Variants in FRMD6 observed in about 807,000 individuals in gnomAD.
FRMD6 encodes FERM domain-containing protein 6.
Under a neutral mutation model 73.2 loss-of-function variants are expected in FRMD6, and 37 were observed. The ratio of observed to expected loss-of-function variants is 0.51; its 90% CI spans 0.39 to 0.66. The LOEUF (loss-of-function observed/expected upper bound fraction) is 0.66, where lower values mean the gene tolerates loss of function less well. Among genes scored for constraint, FRMD6 ranks in the 30% least tolerant of loss-of-function variants. The probability of loss-of-function intolerance (pLI) is 0.00; values close to 1 mark genes in which losing one functional copy is unlikely to be tolerated. For synonymous variants in FRMD6, 273 were observed against 282.2 expected, an observed-to-expected ratio of 0.97 and a Z score of 0.33; for missense variants, 714 against 780.5, an observed-to-expected ratio of 0.91 and a Z score of 1.02.
At chr14:51,543,470 T>C (rs1886303635) in intron 1 of FRMD6, among the ~76,000 whole-genome samples, 1 of 152,066 alleles carries the variant, frequency 6.6e-6, no homozygotes, top group Non-Finnish European at 1.5e-5. Flanking sequence ...TATAGTTTCA[T>C]TGGTCTAAGC....
At position 51,504,896 on chromosome 14, in the gene FRMD6, G is replaced by A. The variant is rs1249872527; in HGVS notation, c.-210+15476G>A. On this transcript the variant is annotated intron_variant, in intron 1 of 14. Coordinates refer to the FRMD6 transcript ENST00000356218. ...ACAGCAGCTGCCTGTCCTTTCAGTT[G>A]AGCTCTTCCCATCATAGCAGAGAAG... 2.6e-5 allele frequency among the ~76,000 whole-genome samples: 4 copies of A among 152,268 alleles called. No individual in the cohort carries two copies. In the East Asian group the frequency reaches 5.8e-4, roughly 22 times the overall value.
chr14:51,674,171 T>C (rs1004508559), intron 1 of FRMD6, among the ~76,000 whole-genome samples: 1 of 152,180 alleles, frequency 6.6e-6, no homozygotes. Flanking sequence ...GCAAATCTTA[T>C]ATCTGAAAAA....
intron 1 of FRMD6, among the ~76,000 whole-genome samples, chr14:51,667,899 G>A (rs1323524006): frequency 6.6e-6 from 1 of 152,136 alleles, no homozygotes; most frequent in Non-Finnish European, 1.5e-5. Flanking sequence ...AGAGCTAATG[G>A]TTTGTAATTG....
At chr14:51,434,213 A>G in the FRMD6 span, among the ~76,000 whole-genome samples, 1 of 152,200 alleles carries the variant, frequency 6.6e-6, no homozygotes, top group Non-Finnish European at 1.5e-5. Flanking sequence ...GTAGATGTAT[A>G]TATACATATG....
intron 2 of FRMD6, among the ~76,000 whole-genome samples, chr14:51,581,247 T>C (rs1306670689): frequency 6.6e-6 from 1 of 152,170 alleles, no homozygotes; most frequent in African/African-American, 2.4e-5. Flanking sequence ...CTCTCCCCCA[T>C]CTTTCTTTAT....
the FRMD6 span, among the ~76,000 whole-genome samples, chr14:51,483,708 GT>G: frequency 6.6e-6 from 1 of 152,204 alleles, no homozygotes; most frequent in Admixed American, 6.5e-5. Context: ...AAGTGATAAA[GT>G]TTCATTTGGA....
In FRMD6 at chr14:51,544,762, C is replaced by T. The variant is rs529820314; in HGVS notation, c.-209-25586C>T. Among the ~76,000 whole-genome samples the T allele has an allele frequency of 5.9e-5, 9 of 151,710 alleles. No individual in the cohort carries two copies. In the South Asian group the frequency reaches 8.3e-4, roughly 14 times the overall value. On this transcript the variant is annotated intron_variant, in intron 1 of 14. Transcript: ENST00000356218. ...CAATATATGCAAAATCCTCTACTTG[C>T]GAGCCAAGAGAGACTTTGTAGTCAA...
At chr14:51,692,008 G>T (rs1895621781) in intron 2 of FRMD6, among the ~76,000 whole-genome samples, 1 of 152,136 alleles carries the variant, frequency 6.6e-6, no homozygotes, top group South Asian at 2.1e-4. Flanking sequence ...AAAAGTTTCT[G>T]CTTATTGCTA....
intron 1 of FRMD6, among the ~76,000 whole-genome samples, chr14:51,662,476 G>A (rs1051410428): frequency 1.3e-5 from 2 of 152,134 alleles, no homozygotes; most frequent in African/African-American, 4.8e-5. Context: ...ACAGAATAGA[G>A]AGCCCAGAAA....
At chr14:51,547,859 T>C (rs569590390) in intron 1 of FRMD6, 1 of 151,802 alleles carries the variant, frequency 6.6e-6, no homozygotes, top group African/African-American at 2.4e-5. Flanking sequence ...GATCTTGAGA[T>C]TGGATGTTGG....
chr14:51,414,798 T>C, the FRMD6 span, among the ~76,000 whole-genome samples: 1 of 152,194 alleles, frequency 6.6e-6, no homozygotes, highest in African/African-American at 2.4e-5. Flanking sequence ...CATGGAATGT[T>C]CTTCCATTTG....
chr14:51,554,789 C>G (rs1004126200), intron 1 of FRMD6: 1 of 152,120 alleles, frequency 6.6e-6, no homozygotes, highest in Non-Finnish European at 1.5e-5. Flanking sequence ...GAATCCGAGA[C>G]AGAAAGAGGA....
At chr14:51,612,175 T>A (rs192277140) in intron 2 of FRMD6, among the ~76,000 whole-genome samples, 1 of 152,326 alleles carries the variant, frequency 6.6e-6, no homozygotes, top group East Asian at 1.9e-4. Flanking sequence ...CTTTCATATG[T>A]CTAATTTTAT....
intron 1 of FRMD6, among the ~76,000 whole-genome samples, chr14:51,513,024 C>A (rs1047228822): frequency 6.6e-6 from 1 of 152,092 alleles, no homozygotes; most frequent in Non-Finnish European, 1.5e-5. Context: ...GGCTTTCCAC[C>A]CTCACTCTCT....
intron 2 of FRMD6, among the ~76,000 whole-genome samples, chr14:51,602,420 T>C (rs1566496467): frequency 6.6e-6 from 1 of 152,240 alleles, no homozygotes; most frequent in African/African-American, 2.4e-5. Flanking sequence ...CACTTGCTTT[T>C]GTATGACACA....
At chr14:51,488,315 C>G (rs1178035468), upstream of FRMD6, among the ~76,000 whole-genome samples, 2 of 152,144 alleles carry the variant, frequency 1.3e-5, no homozygotes, top group Non-Finnish European at 2.9e-5. Context: ...GGTGATTCCC[C>G]AAAGGAAAAT....
At chr14:51,650,168 T>C (rs1187313336), upstream of FRMD6, 4 of 152,248 alleles carry the variant, frequency 2.6e-5, no homozygotes, top group Non-Finnish European at 5.9e-5. Context: ...GTTCTGAATG[T>C]ATTGTCAATT....
chr14:51,643,791 G>C (rs946259493), intron 2 of FRMD6: 2 of 152,186 alleles, frequency 1.3e-5, no homozygotes, highest in Non-Finnish European at 2.9e-5. Context: ...TGAGCAAATG[G>C]AGGCAAGGCC....
At chr14:51,570,965 T>G (rs1329542301) in intron 2 of FRMD6, among the ~76,000 whole-genome samples, 1 of 152,236 alleles carries the variant, frequency 6.6e-6, no homozygotes, top group Non-Finnish European at 1.5e-5. Context: ...AATTGTCAAC[T>G]AATGAAATGA....
Sources: allele counts gnomAD v4.1 joint callset (sites outside exome capture counted in the v4.1 genomes callset), GRCh38; gene constraint gnomAD v4.1.1; transcripts MANE v1.5; gene names NCBI Gene and HGNC (gene_info 2026-07-23, HGNC 2026-07-21).